Variants in KCND2 observed in about 807,000 individuals in gnomAD.
The protein encoded by KCND2 is potassium voltage-gated channel subfamily D member 2, also known as A-type voltage-gated potassium channel KCND2.
Under a neutral mutation model 54.4 loss-of-function variants are expected in KCND2, and 16 were observed. The observed-to-expected ratio is 0.29, with a 90% CI of 0.20 to 0.45. KCND2 has a LOEUF of 0.45. Among genes scored for constraint, KCND2 ranks in the 20% least tolerant of loss-of-function variants. KCND2 has a pLI of 1.00. For synonymous variants in KCND2, 317 were observed against 310.7 expected, an observed-to-expected ratio of 1.02 and a Z score of -0.21; for missense variants, 486 against 824.2, an observed-to-expected ratio of 0.59 and a Z score of 5.02.
At chr7:120,526,653 C>A (rs554415428) in intron 1 of KCND2, among the ~76,000 whole-genome samples, 66 of 151,966 alleles carry the variant, frequency 4.3e-4, no homozygotes, top group Non-Finnish European at 6.0e-4. Context: ...AGAAATGTAG[C>A]CTTGCAGGGA....
Position 120,376,182 on chromosome 7 carries a change from C to A in KCND2, c.1115+100435C>A, listed in dbSNP as rs369326449. ...TATTAAAGATAATCAAAAATAACTC[C>A]CAGTGACTTTTTATCTGTATTCTAT... On this transcript the variant is annotated intron_variant, in intron 1 of 5. Transcript: ENST00000331113. Among the ~76,000 whole-genome samples the A allele has an allele frequency of 1.9e-4, 29 of 151,558 alleles. No individual in the cohort carries two copies. The East Asian group carries it at 4.9e-3, about 25-fold the overall frequency.
intron 1 of KCND2, among the ~76,000 whole-genome samples, chr7:120,540,600 A>G (rs1221117187): frequency 1.3e-5 from 2 of 152,200 alleles, no homozygotes; most frequent in Non-Finnish European, 2.9e-5. Flanking sequence ...AAATATTTGT[A>G]TATGCAGTGA....
chr7:120,481,304 T>C (rs1802604359), intron 1 of KCND2, among the ~76,000 whole-genome samples: 2 of 152,188 alleles, frequency 1.3e-5, no homozygotes, highest in Admixed American at 1.3e-4. Context: ...GTTGCATGGC[T>C]ACTTTTAACC....
rs560392072 is a variant in KCND2, at chr7:120,632,720, T to C, written c.1116-100183T>C. ...CTCACAGCACCATGAGTTGTTTTAC[T>C]GTTTTAACAGATGAGGAAATGGGCA... On this transcript the variant is annotated intron_variant, in intron 1 of 5. Transcript: ENST00000331113. Among the ~76,000 whole-genome samples, 109 of 152,358 alleles carry C rather than the reference T, an allele frequency of 7.2e-4. 2 individuals carry two copies. Among genetic ancestry groups the C allele is most frequent in the African/African-American group, 2.5e-3 (102 of 41,602 alleles).
chr7:120,337,194 G>GT (rs746988278), intron 1 of KCND2, among the ~76,000 whole-genome samples: 29 of 151,964 alleles, frequency 1.9e-4, no homozygotes, highest in Admixed American at 3.9e-4. Flanking sequence ...GGATAATATT[G>GT]TTTTTCACCA....
intron 1 of KCND2, among the ~76,000 whole-genome samples, chr7:120,566,418 T>C (rs1303435712): frequency 1.3e-5 from 2 of 152,076 alleles, no homozygotes; most frequent in African/African-American, 4.8e-5. Context: ...TGGCTCACTG[T>C]TGCAGCCTCC....
intron 1 of KCND2, among the ~76,000 whole-genome samples, chr7:120,435,774 C>T (rs1046688425): frequency 6.6e-6 from 1 of 152,036 alleles, no homozygotes; most frequent in African/African-American, 2.4e-5. Context: ...AGCTCATCTT[C>T]TCTGCCTTTT....
At chr7:120,624,862 A>T (rs957418657) in intron 1 of KCND2, among the ~76,000 whole-genome samples, 1 of 152,210 alleles carries the variant, frequency 6.6e-6, no homozygotes, top group African/African-American at 2.4e-5. Flanking sequence ...TGTGAAAAAC[A>T]GAAATGACAT....
chr7:120,613,346 A>G lies in KCND2; in HGVS notation c.1116-119557A>G, dbSNP rs547748784. Among the ~76,000 whole-genome samples, 103 of 152,288 alleles carry G rather than the reference A, an allele frequency of 6.8e-4. 1 individual carries two copies. The highest frequency in any genetic ancestry group is 3.9e-3 in the Admixed American group (59 of 15,300). On this transcript the variant is annotated intron_variant, in intron 1 of 5. Coordinates refer to ENST00000331113, the MANE Select transcript of KCND2 (RefSeq NM_012281.3). ...AGGAGTTCAAGACAGCCTGGCCAAC[A>G]TGGCAAAACCCCGGTCTCTACTAAA...
At chr7:120,300,124 T>G (rs1799564935) in intron 1 of KCND2, among the ~76,000 whole-genome samples, 1 of 152,180 alleles carries the variant, frequency 6.6e-6, no homozygotes. Flanking sequence ...AGTGGGACAA[T>G]GACACCAGGC....
chr7:120,276,084 C>T (rs1799169338), intron 1 of KCND2, among the ~76,000 whole-genome samples: 1 of 151,888 alleles, frequency 6.6e-6, no homozygotes, highest in South Asian at 2.1e-4. Context: ...CTAATAAAGA[C>T]ACAAATATAT....
intron 1 of KCND2, among the ~76,000 whole-genome samples, chr7:120,681,692 A>G (rs895446493): frequency 1.3e-5 from 2 of 152,074 alleles, no homozygotes; most frequent in Non-Finnish European, 1.5e-5. Flanking sequence ...TTTTAATCAT[A>G]ACTATTCACA....
chr7:120,546,635 A>G (rs551690000), intron 1 of KCND2, among the ~76,000 whole-genome samples: 53 of 151,992 alleles, frequency 3.5e-4, no homozygotes, highest in Non-Finnish European at 6.8e-4. Flanking sequence ...TAATTCTTCT[A>G]TCTCCTGGGA....
At chr7:120,505,522 A>T (rs1348939539) in intron 1 of KCND2, among the ~76,000 whole-genome samples, 1 of 151,854 alleles carries the variant, frequency 6.6e-6, no homozygotes, top group African/African-American at 2.4e-5. Context: ...AACAATGACA[A>T]AAAAGAAACC....
intron 1 of KCND2, among the ~76,000 whole-genome samples, chr7:120,597,733 G>A (rs1338845123): frequency 6.6e-6 from 1 of 152,156 alleles, no homozygotes; most frequent in Non-Finnish European, 1.5e-5. Flanking sequence ...AAGATCTTGG[G>A]AGAGTATCCC....
chr7:120,542,354 T>C (rs1391401047), intron 1 of KCND2, among the ~76,000 whole-genome samples: 1 of 152,182 alleles, frequency 6.6e-6, no homozygotes, highest in Non-Finnish European at 1.5e-5. Flanking sequence ...ACACTATTCA[T>C]CTGGCTCATT....
At chr7:120,371,352 T>A (rs1800762259) in intron 1 of KCND2, among the ~76,000 whole-genome samples, 1 of 152,064 alleles carries the variant, frequency 6.6e-6, no homozygotes, top group Non-Finnish European at 1.5e-5. Context: ...GCTAATCTGC[T>A]GACATTTTCC....
intron 1 of KCND2, among the ~76,000 whole-genome samples, chr7:120,547,068 C>T (rs1006925650): frequency 4.0e-5 from 6 of 151,600 alleles, no homozygotes; most frequent in African/African-American, 1.5e-4. Flanking sequence ...ACTATAAACA[C>T]TGGCACTAGA....
At chr7:120,703,743 C>T (rs1792431826) in intron 1 of KCND2, among the ~76,000 whole-genome samples, 1 of 152,166 alleles carries the variant, frequency 6.6e-6, no homozygotes, top group South Asian at 2.1e-4. Flanking sequence ...TGACACTGGC[C>T]ACACTGTGGT....
Sources: allele counts gnomAD v4.1 joint callset (sites outside exome capture counted in the v4.1 genomes callset), GRCh38; gene constraint gnomAD v4.1.1; transcripts MANE v1.5; gene names NCBI Gene and HGNC (gene_info 2026-07-23, HGNC 2026-07-21).